The following TASP1 variants were observed in gnomAD, a reference collection of about 807,000 sequenced individuals.
The protein encoded by TASP1 is threonine aspartase 1.
In TASP1, 16 loss-of-function variants were observed where a neutral mutation model predicts 56.6. That is an observed-to-expected ratio of 0.28 (90% CI 0.19 to 0.43). The LOEUF is 0.43. Ranked by LOEUF, TASP1 falls within the 20% of genes least tolerant of loss-of-function variation. The pLI is 1.00. For missense variants in TASP1, 393 were observed against 511.6 expected, an observed-to-expected ratio of 0.77 and a Z score of 2.24; for synonymous variants, 179 against 184.2, an observed-to-expected ratio of 0.97 and a Z score of 0.23.
the TASP1 span, chr20:13,117,815 A>T: frequency 2.4e-6 from 3 of 1,246,122 alleles, no homozygotes; most frequent in Non-Finnish European, 3.3e-6. Flanking sequence ...GAAAGCTTCA[A>T]TTCAGTTCAC....
At chr20:13,618,583 T>C (rs1214465812) in intron 4 of TASP1, among the ~76,000 whole-genome samples, 2 of 152,194 alleles carry the variant, frequency 1.3e-5, no homozygotes, top group Non-Finnish European at 1.5e-5. Context: ...GCAAGCAATA[T>C]TTGTATTACA....
chr20:13,347,123 G>A, the TASP1 span, among the ~76,000 whole-genome samples: 31 of 152,340 alleles, frequency 2.0e-4, 1 homozygote, highest in Admixed American at 1.2e-3. Flanking sequence ...TGTACAGTAC[G>A]ATGCTGTTTT....
At chr20:13,283,200 T>G in the TASP1 span, among the ~76,000 whole-genome samples, 64 of 152,272 alleles carry the variant, frequency 4.2e-4, 1 homozygote, top group Middle Eastern at 6.8e-3. Flanking sequence ...AGACCCACTT[T>G]TATTGCAGTC....
intron 13 of TASP1, chr20:13,393,658 TG>T: frequency 1.5e-6 from 2 of 1,306,280 alleles, no homozygotes; most frequent in Non-Finnish European, 2.2e-6. Context: ...ATGGCCCACA[TG>T]GCCTCCAAGG....
At chr20:13,316,099 T>C in the TASP1 span, among the ~76,000 whole-genome samples, 1 of 151,802 alleles carries the variant, frequency 6.6e-6, no homozygotes, top group Non-Finnish European at 1.5e-5. Context: ...ATATCAGAAA[T>C]GAAAGAGTGG....
At chr20:13,612,888 C>T (rs961836923) in intron 4 of TASP1, among the ~76,000 whole-genome samples, 1 of 152,162 alleles carries the variant, frequency 6.6e-6, no homozygotes, top group East Asian at 1.9e-4. Flanking sequence ...AAAATTACTA[C>T]ATCCAGGACT....
chr20:13,318,625 T>C, the TASP1 span, among the ~76,000 whole-genome samples: 3 of 152,188 alleles, frequency 2.0e-5, no homozygotes, highest in Non-Finnish European at 2.9e-5. Flanking sequence ...CTATATCTTA[T>C]TAGCACTGAA....
chr20:13,298,899 G>A, the TASP1 span: 2,795 of 1,593,250 alleles, frequency 1.8e-3, 2 homozygotes, highest in Non-Finnish European at 1.8e-3. Flanking sequence ...CCTGTGGGCC[G>A]GTTGTACACG....
At chr20:13,359,711 GTTCCC>G in the TASP1 span, among the ~76,000 whole-genome samples, 1 of 151,710 alleles carries the variant, frequency 6.6e-6, no homozygotes, top group Non-Finnish European at 1.5e-5. Flanking sequence ...CACCTGCCCA[GTTCCC>G]TTATTAGGCC....
At chr20:13,319,326 AT>A in the TASP1 span, among the ~76,000 whole-genome samples, 1 of 152,166 alleles carries the variant, frequency 6.6e-6, no homozygotes, top group Non-Finnish European at 1.5e-5. Flanking sequence ...ATCTGGTCAC[AT>A]GTGCCTGGCA....
the TASP1 span, among the ~76,000 whole-genome samples, chr20:13,360,489 T>C: frequency 1.3e-5 from 2 of 151,784 alleles, no homozygotes; most frequent in Non-Finnish European, 1.5e-5. Flanking sequence ...TTCCTAGGCA[T>C]GGTTAGCGCG....
At position 13,548,359 on chromosome 20, in the gene TASP1, C is replaced by A. The variant is rs537610953; in HGVS notation, c.675+10649G>T. On this transcript the variant is annotated intron_variant, in intron 8 of 13. Transcript: ENST00000337743. ...TGAGTGGAGCATGATTCTAAACATGCTGAGTTAGACTGTGATGGGTCAAAC... is the reference window on the plus strand; with the variant it reads ...TGAGTGGAGCATGATTCTAAACATGATGAGTTAGACTGTGATGGGTCAAAC... Among the ~76,000 whole-genome samples the A allele has an allele frequency of 5.9e-5, 9 of 152,092 alleles. No individual in the cohort carries two copies. In the South Asian group the frequency reaches 1.9e-3, roughly 32 times the overall value.
At chr20:13,324,159 C>T in the TASP1 span, among the ~76,000 whole-genome samples, 1 of 152,094 alleles carries the variant, frequency 6.6e-6, no homozygotes, top group African/African-American at 2.4e-5. Context: ...CTTTCATAAC[C>T]CTCACGAATG....
intron 13 of TASP1, chr20:13,392,751 T>A (rs193271752): frequency 9.7e-4 from 570 of 586,632 alleles, no homozygotes; most frequent in Middle Eastern, 3.2e-3. Context: ...TTAACTCTGG[T>A]AAAGCAGATG....
chr20:13,505,658 G>T (rs1259231291), intron 10 of TASP1, among the ~76,000 whole-genome samples: 1 of 152,044 alleles, frequency 6.6e-6, no homozygotes, highest in African/African-American at 2.4e-5. Context: ...CACTCTGAAA[G>T]AAACAATGGG....
At chr20:13,244,523 G>A in the TASP1 span, 1 of 152,148 alleles carries the variant, frequency 6.6e-6, no homozygotes, top group African/African-American at 2.4e-5. Context: ...GATGACTAGT[G>A]AAAAGAATTT....
chr20:13,631,444 T>G (rs550953496), intron 1 of TASP1, among the ~76,000 whole-genome samples: 1 of 152,228 alleles, frequency 6.6e-6, no homozygotes, highest in Non-Finnish European at 1.5e-5. Flanking sequence ...TTATTTTCTT[T>G]TGGTTATTTC....
At chr20:13,490,734 G>C (rs1027190659) in intron 10 of TASP1, among the ~76,000 whole-genome samples, 7 of 151,992 alleles carry the variant, frequency 4.6e-5, no homozygotes, top group African/African-American at 7.2e-5. Flanking sequence ...ATAGGGTAAG[G>C]GTTAGTATCT....
chr20:13,549,571 G>A (rs887769040), intron 8 of TASP1, among the ~76,000 whole-genome samples: 1 of 152,048 alleles, frequency 6.6e-6, no homozygotes, highest in African/African-American at 2.4e-5. Flanking sequence ...TATGGTGATA[G>A]CATATGATAT....
Sources: gnomAD v4.1 joint callset for allele counts (sites outside exome capture counted in the v4.1 genomes callset) on GRCh38, gnomAD v4.1.1 for gene constraint, MANE v1.5 for transcripts, NCBI Gene and HGNC (gene_info 2026-07-23, HGNC 2026-07-21) for gene names.